Variants in PLCB1 observed in about 807,000 individuals in gnomAD.
PLCB1 encodes 1-phosphatidylinositol 4,5-bisphosphate phosphodiesterase beta-1.
PLCB1 carries 46 observed loss-of-function variants against 161.8 expected under a neutral mutation model. That is an observed-to-expected ratio of 0.28 (90% CI 0.22 to 0.36). The LOEUF (loss-of-function observed/expected upper bound fraction) is 0.36, where lower values mean the gene tolerates loss of function less well. PLCB1 is among the 10% of genes least tolerant of loss of function. The pLI is 1.00. For missense variants in PLCB1, 1,016 were observed against 1,472.5 expected (o/e 0.69, Z 5.07); for synonymous variants, 517 against 503.7 (o/e 1.03, Z -0.35).
At chr20:8,752,259 A>C (rs1282831562) in intron 23 of PLCB1, 1 of 152,230 alleles carries the variant, frequency 6.6e-6, no homozygotes, top group Non-Finnish European at 1.5e-5. Context: ...CATATAGTCC[A>C]TATTCAAATA....
Position 8,884,540 on chromosome 20 carries a change from A to G in PLCB1, c.*2691A>G, listed in dbSNP as rs752607813. 2 of 152,742 alleles carry G rather than the reference A, an allele frequency of 1.3e-5. No homozygotes were observed. Among genetic ancestry groups the G allele is most frequent in the East Asian group, 1.9e-4 (1 of 5,184 alleles). 9.5% of individuals were successfully genotyped at this position (152,742 alleles called of 1,614,324 possible). ...TATTTCATTTTAAAATTTGAGTATC[A>G]CCATACATTAATTAATACTCCTGTA... On this transcript the variant is annotated 3_prime_UTR_variant, in exon 32 of 32. Coordinates refer to ENST00000338037, the MANE Select transcript of PLCB1 (RefSeq NM_015192.4).
At chr20:8,425,133 T>TTG (rs201263320) in intron 3 of PLCB1, among the ~76,000 whole-genome samples, 2 of 149,414 alleles carry the variant, frequency 1.3e-5, no homozygotes, top group East Asian at 1.9e-4. Flanking sequence ...CTGAGGTGTT[T>TTG]TTTTTTTTTT....
At chr20:8,402,250 A>G (rs1482324188) in intron 3 of PLCB1, among the ~76,000 whole-genome samples, 1 of 152,114 alleles carries the variant, frequency 6.6e-6, no homozygotes, top group Non-Finnish European at 1.5e-5. Flanking sequence ...GTATTTCTTT[A>G]AGTGATGAGA....
At chr20:8,661,994 AATT>A (rs1989646088) in intron 9 of PLCB1, among the ~76,000 whole-genome samples, 1 of 27,124 alleles carries the variant, frequency 3.7e-5, no homozygotes, top group East Asian at 1.0e-3. Flanking sequence ...ATAATTATAT[AATT>A]ATTTATTATA....
chr20:8,871,681 A>C (rs4502502), intron 31 of PLCB1, among the ~76,000 whole-genome samples: 115,085 of 152,082 alleles, frequency 0.76, 44,720 homozygotes, highest in African/African-American at 0.93. Context: ...AAATCAACAA[A>C]AAACCAGAAT....
intron 6 of PLCB1, 87 bp from the exon 7 acceptor site, chr20:8,649,287 A>G: frequency 2.6e-6 from 2 of 780,246 alleles, no homozygotes; most frequent in South Asian, 3.1e-5. Flanking sequence ...ATTTGACTGA[A>G]TGGAATATTT....
chr20:8,744,656 A>AAAATAAAATT (rs1171770252), intron 23 of PLCB1, among the ~76,000 whole-genome samples: 26 of 143,976 alleles, frequency 1.8e-4, no homozygotes, highest in Non-Finnish European at 3.3e-4. Flanking sequence ...AAAATAAAAT[A>AAAATAAAATT]AAAAAATAAA....
At chr20:8,567,342 C>T (rs994335980) in intron 3 of PLCB1, among the ~76,000 whole-genome samples, 5 of 152,098 alleles carry the variant, frequency 3.3e-5, no homozygotes, top group Non-Finnish European at 5.9e-5. Flanking sequence ...CCATTTCCCC[C>T]TCTGTCTTGA....
chr20:8,278,104 A>G (rs2123278177), intron 2 of PLCB1, among the ~76,000 whole-genome samples: 1 of 152,026 alleles, frequency 6.6e-6, no homozygotes, highest in African/African-American at 2.4e-5. Context: ...TAAATGCTGC[A>G]ATAAAATATT....
intron 3 of PLCB1, among the ~76,000 whole-genome samples, chr20:8,618,177 A>C (rs569142737): frequency 6.6e-6 from 1 of 152,336 alleles, no homozygotes; most frequent in South Asian, 2.1e-4. Context: ...AGGGAGATGA[A>C]GAGAAAAATG....
At chr20:8,617,829 A>G (rs550392123) in intron 3 of PLCB1, among the ~76,000 whole-genome samples, 3 of 152,284 alleles carry the variant, frequency 2.0e-5, no homozygotes, top group South Asian at 2.1e-4. Flanking sequence ...CTCGTTTGAG[A>G]AAAAAAGGTT....
At chr20:8,572,763 A>G (rs1172256999) in intron 3 of PLCB1, among the ~76,000 whole-genome samples, 2 of 152,198 alleles carry the variant, frequency 1.3e-5, no homozygotes, top group East Asian at 3.9e-4. Flanking sequence ...ACTGCAGAAC[A>G]TTAAACTAAG....
intron 3 of PLCB1, among the ~76,000 whole-genome samples, chr20:8,544,672 C>T (rs1041798078): frequency 1.3e-5 from 2 of 152,152 alleles, no homozygotes; most frequent in African/African-American, 4.8e-5. Context: ...GGAAAGGACA[C>T]CAATTATTAG....
chr20:8,460,466 C>G (rs1356467689), intron 3 of PLCB1, among the ~76,000 whole-genome samples: 2 of 152,204 alleles, frequency 1.3e-5, no homozygotes, highest in Non-Finnish European at 2.9e-5. Flanking sequence ...TCTTCTCAAG[C>G]ATTTATCAAA....
intron 2 of PLCB1, among the ~76,000 whole-genome samples, chr20:8,289,575 G>A (rs553478786): frequency 6.6e-6 from 1 of 152,324 alleles, no homozygotes; most frequent in East Asian, 1.9e-4. Flanking sequence ...AGAGATGGAA[G>A]CAGAATTTGA....
chr20:8,232,485 T>C (rs1226402793), intron 2 of PLCB1, among the ~76,000 whole-genome samples: 1 of 152,178 alleles, frequency 6.6e-6, no homozygotes, highest in Non-Finnish European at 1.5e-5. Context: ...AGCAATGTTA[T>C]AGGATGGTGA....
intron 3 of PLCB1, among the ~76,000 whole-genome samples, chr20:8,597,074 C>T (rs1445491369): frequency 1.9e-5 from 2 of 106,808 alleles, no homozygotes; most frequent in Admixed American, 1.1e-4. Flanking sequence ...TTCCTCTTTT[C>T]CTAATTGAAT....
At chr20:8,184,891 ATCAACCCG>A (rs1180898257) in intron 2 of PLCB1, among the ~76,000 whole-genome samples, 1 of 151,612 alleles carries the variant, frequency 6.6e-6, no homozygotes, top group Non-Finnish European at 1.5e-5. Context: ...TGCTGCACCC[ATCAACCCG>A]TCATCTGCAT....
Position 8,657,224 on chromosome 20 carries a change from A to T in PLCB1, c.635A>T (p.Tyr212Phe). The T allele has an allele frequency of 1.2e-6, 2 of 1,610,590 alleles. No individual in the cohort carries two copies. Among genetic ancestry groups the T allele is most frequent in the Non-Finnish European group, 1.7e-6 (2 of 1,177,026 alleles). Residue 212 changes from tyrosine to phenylalanine, a missense_variant, in exon 8 of 32, where the codon TAC becomes TTC. Physicochemically the swap from Tyr to Phe is conservative, Grantham distance 22 (BLOSUM62 3). Coordinates refer to ENST00000338037, the MANE Select transcript of PLCB1 (RefSeq NM_015192.4). Reference sequence around the variant, plus strand: ...CAAGAAGATTTCACTCCAGAAGTGTACAGAGTTTTCCTCAACAACCTTTGC... The same window carrying T: ...CAAGAAGATTTCACTCCAGAAGTGTTCAGAGTTTTCCTCAACAACCTTTGC... ...IPQEDFTPEV[Y>F]RVFLNNLCPR...
Sources: gnomAD v4.1 joint callset for allele counts (sites outside exome capture counted in the v4.1 genomes callset) on GRCh38, gnomAD v4.1.1 for gene constraint, MANE v1.5 for transcripts, NCBI Gene and HGNC (gene_info 2026-07-23, HGNC 2026-07-21) for gene names.